Variants in TAS2R1 observed in about 807,000 individuals in gnomAD.
The protein encoded by TAS2R1 is taste 2 receptor member 1, also known as taste receptor type 2 member 1.
For missense variants in TAS2R1, 370 were observed against 353.4 expected (o/e 1.05, Z -0.38); for synonymous variants, 141 against 134.2 (o/e 1.05, Z -0.35).
chr5:9,816,164 C>G, the TAS2R1 span, among the ~76,000 whole-genome samples: 1 of 152,124 alleles, frequency 6.6e-6, no homozygotes, highest in Non-Finnish European at 1.5e-5. Flanking sequence ...ATTTTATGAT[C>G]CACAGTTTAT....
At chr5:9,697,836 T>C (rs189995453) in intron 1 of TAS2R1, among the ~76,000 whole-genome samples, 38 of 151,942 alleles carry the variant, frequency 2.5e-4, no homozygotes, top group Non-Finnish European at 4.9e-4. Context: ...AGGAATAAAA[T>C]AATCATTGTT....
chr5:9,746,918 G>A, the TAS2R1 span, among the ~76,000 whole-genome samples: 2 of 152,114 alleles, frequency 1.3e-5, no homozygotes, highest in South Asian at 4.1e-4. Context: ...ATGTATCCCA[G>A]AAGTTAAAGT....
the TAS2R1 span, among the ~76,000 whole-genome samples, chr5:9,825,075 T>C: frequency 6.6e-6 from 1 of 152,092 alleles, no homozygotes; most frequent in Admixed American, 6.5e-5. Context: ...AGCCTAATGG[T>C]TTTTTAACCA....
the TAS2R1 span, among the ~76,000 whole-genome samples, chr5:9,734,443 C>T: frequency 3.3e-5 from 5 of 152,274 alleles, no homozygotes; most frequent in East Asian, 9.6e-4. Context: ...TAACCCACAT[C>T]TGAGCCAAAA....
At chr5:9,894,538 G>C in the TAS2R1 span, among the ~76,000 whole-genome samples, 1 of 152,200 alleles carries the variant, frequency 6.6e-6, no homozygotes, top group Non-Finnish European at 1.5e-5. Flanking sequence ...GAAGGCCTCA[G>C]AAAAAACCAA....
At chr5:9,697,169 T>C (rs574925856) in intron 1 of TAS2R1, among the ~76,000 whole-genome samples, 1 of 151,904 alleles carries the variant, frequency 6.6e-6, no homozygotes, top group African/African-American at 2.4e-5. Context: ...GAAAGACACC[T>C]TTTTTGTTTA....
At chr5:9,821,053 A>G in the TAS2R1 span, among the ~76,000 whole-genome samples, 1 of 152,202 alleles carries the variant, frequency 6.6e-6, no homozygotes, top group Non-Finnish European at 1.5e-5. Context: ...AAAACTTTAT[A>G]GGTGGAGAGG....
chr5:9,645,757 T>C (rs1740174042), intron 2 of TAS2R1: 1 of 152,188 alleles, frequency 6.6e-6, no homozygotes, highest in African/African-American at 2.4e-5. Context: ...GGCATATCCA[T>C]CTTGCCACCA....
At chr5:9,856,422 T>G in the TAS2R1 span, among the ~76,000 whole-genome samples, 1 of 152,186 alleles carries the variant, frequency 6.6e-6, no homozygotes, top group Non-Finnish European at 1.5e-5. Context: ...ATGGTTATAG[T>G]GCTACACATA....
chr5:9,669,369 C>T (rs1740705433), intron 1 of TAS2R1, among the ~76,000 whole-genome samples: 1 of 152,156 alleles, frequency 6.6e-6, no homozygotes, highest in African/African-American at 2.4e-5. Flanking sequence ...AGAAAACTAA[C>T]AAACGTTTTC....
chr5:9,674,194 T>C (rs1740825101), intron 1 of TAS2R1, among the ~76,000 whole-genome samples: 1 of 152,224 alleles, frequency 6.6e-6, no homozygotes, highest in Non-Finnish European at 1.5e-5. Flanking sequence ...GCCAGCTATG[T>C]CAGGACCTAC....
chr5:9,654,755 C>G (rs1740376598), intron 2 of TAS2R1, among the ~76,000 whole-genome samples: 1 of 152,146 alleles, frequency 6.6e-6, no homozygotes, highest in Admixed American at 6.6e-5. Context: ...AAATATGAAA[C>G]AAGTCTTAGT....
chr5:9,779,484 A>C, the TAS2R1 span, among the ~76,000 whole-genome samples: 3 of 152,230 alleles, frequency 2.0e-5, no homozygotes, highest in African/African-American at 7.2e-5. Context: ...TCTTCCTGTC[A>C]CTTGAACACT....
chr5:9,630,399 A>G (rs1739851937), upstream of TAS2R1: 1 of 177,074 alleles, frequency 5.6e-6, no homozygotes, highest in Non-Finnish European at 1.3e-5. Flanking sequence ...CTTCATCTCT[A>G]CTATGAATAA....
At chr5:9,633,294 T>TATATATATATATTTATATATATATA (rs1476544403), upstream of TAS2R1, among the ~76,000 whole-genome samples, 1 of 67,800 alleles carries the variant, frequency 1.5e-5, no homozygotes, top group African/African-American at 7.1e-5. Context: ...TGTGTGTATA[T>TATATATATATATTTATATATATATA]TATATATATA....
chr5:9,811,134 T>G, the TAS2R1 span, among the ~76,000 whole-genome samples: 1 of 152,100 alleles, frequency 6.6e-6, no homozygotes, highest in Non-Finnish European at 1.5e-5. Flanking sequence ...ATAAACATGA[T>G]TTGTATCTTT....
chr5:9,767,684 C>T, the TAS2R1 span, among the ~76,000 whole-genome samples: 95 of 152,162 alleles, frequency 6.2e-4, 1 homozygote, highest in South Asian at 8.3e-4. Context: ...ACTCTCAGCA[C>T]GTTGGGAGGC....
the TAS2R1 span, among the ~76,000 whole-genome samples, chr5:9,871,473 G>A: frequency 6.6e-6 from 1 of 152,176 alleles, no homozygotes; most frequent in Admixed American, 6.5e-5. Flanking sequence ...TGTCCACTCT[G>A]TCTGATCCAA....
Position 9,629,949 on chromosome 5 carries a change from C to T in TAS2R1, c.84G>A (p.Val28=). ...TGATCAAGTCAATGCCATTCACCACCACAATGATGCCATTTGTGAAAATCC... is the reference window on the plus strand; with the variant it reads ...TGATCAAGTCAATGCCATTCACCACTACAATGATGCCATTTGTGAAAATCC... ...LLGIFTNGII[V]VVNGIDLIKH... is the part of the protein sequence containing the mutation. The change falls in exon 1 of 1, where the codon GTG becomes GTA. Residue 28 remains valine, a synonymous_variant. Transcript: ENST00000382492. 1 of 1,610,566 alleles carries T rather than the reference C, an allele frequency of 6.2e-7. No individual in the cohort carries two copies. The highest frequency in any genetic ancestry group is 8.5e-7 in the Non-Finnish European group (1 of 1,178,946).
Sources: allele counts gnomAD v4.1 joint callset (sites outside exome capture counted in the v4.1 genomes callset), GRCh38; gene constraint gnomAD v4.1.1; transcripts MANE v1.5; gene names NCBI Gene and HGNC (gene_info 2026-07-23, HGNC 2026-07-21).